PDE10A: variants seen among roughly 807,000 people sequenced by gnomAD.
PDE10A encodes phosphodiesterase 10A.
Under a neutral mutation model 97.7 loss-of-function variants are expected in PDE10A, and 39 were observed. The ratio of observed to expected loss-of-function variants is 0.40; its 90% CI spans 0.31 to 0.52. PDE10A has a LOEUF of 0.52. Among genes scored for constraint, PDE10A ranks in the 20% least tolerant of loss-of-function variants. The pLI is 0.56. For missense variants in PDE10A, 731 were observed against 1,047.8 expected (o/e 0.70, Z 4.17); for synonymous variants, 371 against 376.8 (o/e 0.98, Z 0.18).
chr6:165,943,268 AAGGAAGGAAAGAAAGAAAGAAAGAAG>A (rs1783627088), intron 1 of PDE10A, among the ~76,000 whole-genome samples: 2 of 125,582 alleles, frequency 1.6e-5, no homozygotes, highest in African/African-American at 6.9e-5. Flanking sequence ...GGAAGGAAGG[AAGGAAGGAAAGAAAGAAAGAAAGAAG>A]GAAAGAAAGA....
chr6:165,964,574 C>G (rs570002957), intron 1 of PDE10A, among the ~76,000 whole-genome samples: 2 of 152,302 alleles, frequency 1.3e-5, no homozygotes, highest in East Asian at 1.9e-4. Context: ...GTCACGATCT[C>G]TCTCATCATC....
intron 1 of PDE10A, among the ~76,000 whole-genome samples, chr6:165,963,748 G>A (rs1784425269): frequency 6.6e-6 from 1 of 152,178 alleles, no homozygotes; most frequent in African/African-American, 2.4e-5. Flanking sequence ...GTCCCCTCTT[G>A]CTGGAAGGTG....
At chr6:165,506,604 A>G (rs7748128) in intron 2 of PDE10A, among the ~76,000 whole-genome samples, 2 of 152,146 alleles carry the variant, frequency 1.3e-5, no homozygotes, top group South Asian at 4.1e-4. Context: ...TCTTGAGAAT[A>G]TATCTTTGAT....
intron 1 of PDE10A, among the ~76,000 whole-genome samples, chr6:165,864,928 T>C (rs1215964216): frequency 2.0e-5 from 3 of 152,254 alleles, no homozygotes; most frequent in Non-Finnish European, 4.4e-5. Flanking sequence ...AAAATGTTAA[T>C]GAAGATTATG....
At position 165,580,271 on chromosome 6, in the gene PDE10A, G is replaced by C. The variant is rs537725896; in HGVS notation, c.866-36703C>G. Among the ~76,000 whole-genome samples, 365 of 152,302 alleles carry C rather than the reference G, an allele frequency of 2.4e-3. 2 individuals are homozygous for C. The highest frequency in any genetic ancestry group is 4.2e-3 in the Non-Finnish European group (284 of 68,026). On this transcript the variant is annotated intron_variant, in intron 1 of 21. Coordinates refer to ENST00000539869, the MANE Select transcript of PDE10A (RefSeq NM_001385079.1). ...TGGGTCGGGTATGTCTTCTAGAAAT[G>C]AAACCTGAGCTGAGCCTTAATGAGA... is the stretch of plus-strand genomic sequence containing the variant.
chr6:165,937,202 C>T (rs1277703423), intron 1 of PDE10A, among the ~76,000 whole-genome samples: 1 of 152,182 alleles, frequency 6.6e-6, no homozygotes, highest in Non-Finnish European at 1.5e-5. Context: ...TCAAGCTCCA[C>T]GTGCCATTGC....
chr6:165,586,038 G>A (rs900321119), intron 1 of PDE10A, among the ~76,000 whole-genome samples: 3 of 152,264 alleles, frequency 2.0e-5, no homozygotes, highest in East Asian at 1.9e-4. Context: ...CCAATGTATA[G>A]TCAATCACTA....
chr6:165,836,891 G>A (rs1037397010), intron 1 of PDE10A, among the ~76,000 whole-genome samples: 8 of 151,988 alleles, frequency 5.3e-5, no homozygotes, highest in Admixed American at 2.6e-4. Context: ...AGTTCATGTC[G>A]TTTGTAGGGA....
At chr6:165,545,354 C>A (rs1272045310) in intron 1 of PDE10A, 1 of 323,544 alleles carries the variant, frequency 3.1e-6, no homozygotes, top group East Asian at 9.0e-5. Flanking sequence ...ATCTCCTTCT[C>A]ACTTCTTCCC....
intron 10 of PDE10A, 72 bp downstream of exon 10, chr6:165,428,586 A>ATGTT: frequency 1.5e-6 from 1 of 677,278 alleles, no homozygotes; most frequent in Non-Finnish European, 2.6e-6. Flanking sequence ...ATAAGTTTAA[A>ATGTT]TGTTATGCCA....
chr6:165,919,052 T>C (rs534636151), intron 1 of PDE10A, among the ~76,000 whole-genome samples: 1 of 152,136 alleles, frequency 6.6e-6, no homozygotes, highest in African/African-American at 2.4e-5. Context: ...TGAATAAACA[T>C]AGAGAAGATA....
At chr6:165,924,493 T>A (rs968119824) in intron 1 of PDE10A, among the ~76,000 whole-genome samples, 1 of 152,188 alleles carries the variant, frequency 6.6e-6, no homozygotes, top group African/African-American at 2.4e-5. Context: ...GTGTGTACCA[T>A]TCATGGTCTC....
At chr6:165,365,776 G>A (rs1387481826) in intron 18 of PDE10A, among the ~76,000 whole-genome samples, 1 of 152,124 alleles carries the variant, frequency 6.6e-6, no homozygotes, top group African/African-American at 2.4e-5. Flanking sequence ...TTTCACAAAT[G>A]AGTAATTCCC....
At chr6:165,368,541 A>AAAAGGG (rs1430060847) in intron 18 of PDE10A, among the ~76,000 whole-genome samples, 1 of 152,238 alleles carries the variant, frequency 6.6e-6, no homozygotes, top group Non-Finnish European at 1.5e-5. Flanking sequence ...TGAAAATTTA[A>AAAAGGG]AAAGGGTATA....
At chr6:165,958,563 A>AAGAAAGAAAGAAAGAC (rs1554230956) in intron 1 of PDE10A, among the ~76,000 whole-genome samples, 2 of 15,268 alleles carry the variant, frequency 1.3e-4, no homozygotes, top group Non-Finnish European at 3.2e-4. Flanking sequence ...GAAAGAAAGA[A>AAGAAAGAAAGAAAGAC]AGACAGACAG....
At chr6:165,795,009 A>G (rs935497454) in intron 1 of PDE10A, among the ~76,000 whole-genome samples, 1 of 152,212 alleles carries the variant, frequency 6.6e-6, no homozygotes, top group Non-Finnish European at 1.5e-5. Flanking sequence ...CTTATGTGAC[A>G]TGGGCTTATT....
At chr6:165,568,610 G>A (rs1041398031) in intron 1 of PDE10A, among the ~76,000 whole-genome samples, 7 of 152,106 alleles carry the variant, frequency 4.6e-5, no homozygotes, top group African/African-American at 1.7e-4. Context: ...TGGTATCCCA[G>A]TGTCTGTGTT....
intron 1 of PDE10A, among the ~76,000 whole-genome samples, chr6:165,857,891 C>T (rs1489876597): frequency 3.3e-5 from 5 of 152,134 alleles, no homozygotes; most frequent in Non-Finnish European, 7.4e-5. Flanking sequence ...GCACAACATG[C>T]ACAATTACAA....
intron 1 of PDE10A, among the ~76,000 whole-genome samples, chr6:165,721,782 C>A (rs1333224459): frequency 6.6e-6 from 1 of 152,138 alleles, no homozygotes; most frequent in Non-Finnish European, 1.5e-5. Flanking sequence ...CTTTTAATTA[C>A]TTAATTGATT....
Sources: allele counts gnomAD v4.1 joint callset (sites outside exome capture counted in the v4.1 genomes callset), GRCh38; gene constraint gnomAD v4.1.1; transcripts MANE v1.5; gene names NCBI Gene and HGNC (gene_info 2026-07-23, HGNC 2026-07-21).